Variants in ATP1A1 observed in about 807,000 individuals in gnomAD.
ATP1A1 encodes the protein sodium/potassium-transporting ATPase subunit alpha-1.
ATP1A1 carries 14 observed loss-of-function variants against 114.8 expected under a neutral mutation model. The observed-to-expected ratio is 0.12, with a 90% CI of 0.08 to 0.19. The LOEUF is 0.19. Ranked by LOEUF, ATP1A1 falls within the 10% of genes least tolerant of loss-of-function variation. ATP1A1 has a pLI of 1.00. For missense variants in ATP1A1, 524 were observed against 1,290.7 expected, an observed-to-expected ratio of 0.41 and a Z score of 9.10; for synonymous variants, 471 against 466.3, an observed-to-expected ratio of 1.01 and a Z score of -0.13.
Position 116,384,135 on chromosome 1 carries a change from G to A in ATP1A1, c.123+11G>A. 2 of 1,601,902 alleles carry A rather than the reference G, an allele frequency of 1.2e-6. No individual in the cohort carries two copies. The highest frequency in any genetic ancestry group is 8.6e-7 in the Non-Finnish European group (1 of 1,169,058). On this transcript the variant is annotated intron_variant, in intron 2 of 22. Coordinates refer to ENST00000295598, the MANE Select transcript of ATP1A1 (RefSeq NM_000701.8). The surrounding 1 kb of genome is among the most constrained non-coding windows in gnomAD (Gnocchi z 5.1). ...AAAGAAGTTTCTATGGTAAGTACTA[G>A]GAGGAATATTGTATTCCATCCTTAT... is the stretch of plus-strand genomic sequence containing the variant.
At position 116,398,172 on chromosome 1, in the gene ATP1A1, GA is replaced by G. The variant is rs1321855971; in HGVS notation, c.2124+136del. On this transcript the variant is annotated intron_variant, in intron 15 of 22. Coordinates refer to ENST00000295598, the MANE Select transcript of ATP1A1 (RefSeq NM_000701.8). The surrounding 1 kb of genome is among the most constrained non-coding windows in gnomAD (Gnocchi z 6.1). ...AGACTCAGTATAAATAGGCCAGTAG[GA>G]AGCTCATAGGCATAGAGAGGGTGAC... 3 of 1,258,146 alleles carry G rather than the reference GA, an allele frequency of 2.4e-6. No homozygotes were observed. The highest frequency in any genetic ancestry group is 3.2e-6 in the Non-Finnish European group (3 of 923,864). The allele number at this position is 1,258,146 out of a possible 1,614,324, so 77.9% of individuals were successfully genotyped here. A position where few individuals can be genotyped will look rare whatever the true frequency, so the allele number is the denominator to read the frequency against.
chr1:116,390,529 C>A, intron 9 of ATP1A1, 118 bp downstream of exon 9: 96 of 909,524 alleles, frequency 1.1e-4, no homozygotes, highest in Non-Finnish European at 1.4e-4. Context: ...CTTTTTCTTT[C>A]TTTTTTGTTT....
intron 3 of ATP1A1, chr1:116,386,276 A>C (rs1303658335): frequency 2.0e-5 from 3 of 152,082 alleles, no homozygotes; most frequent in Non-Finnish European, 4.4e-5. Flanking sequence ...ACTTTGTGCC[A>C]GGCAGTCTCT....
Position 116,382,889 on chromosome 1 carries a change from T to C in ATP1A1, c.13-1125T>C, listed in dbSNP as rs539622790. 2.0e-5 allele frequency among the ~76,000 whole-genome samples: 3 copies of C among 152,346 alleles called. No homozygotes were observed. The East Asian group carries it at 5.8e-4, about 29-fold the overall frequency. On this transcript the variant is annotated intron_variant, in intron 1 of 22. Transcript: ENST00000295598. ...ATAATAGTAATAGCACCATATGTCA[T>C]GCATTTTAAGAAAATTGCTAATGTC... is the stretch of plus-strand genomic sequence containing the variant.
rs377581743 is a variant in ATP1A1 at position 116,393,641 on chromosome 1, G to A, written c.1578G>A (p.Lys526=). 1.2e-4 allele frequency: 192 copies of A among 1,614,062 alleles called. No individual in the cohort carries two copies. The highest frequency in any genetic ancestry group is 1.6e-4 in the Middle Eastern group (1 of 6,078). The change falls in exon 12 of 23, where the codon AAG becomes AAA. Residue 526 remains lysine, a synonymous_variant. Coordinates refer to ENST00000295598, the MANE Select transcript of ATP1A1 (RefSeq NM_000701.8). The surrounding 1 kb of genome is among the most constrained non-coding windows in gnomAD (Gnocchi z 5.0). Reference sequence around the variant, plus strand: ...GCAGCTCTATCCTCCTCCACGGCAAGGAGCAGCCCCTGGATGAGGAGCTGA... The same window carrying A: ...GCAGCTCTATCCTCCTCCACGGCAAAGAGCAGCCCCTGGATGAGGAGCTGA... ...DRCSSILLHG[K]EQPLDEELKD...
chr1:116,388,598 T>C lies in ATP1A1; in HGVS notation c.502-40T>C, dbSNP rs773868107. 1.4e-5 allele frequency: 23 copies of C among 1,596,578 alleles called. No homozygotes were observed. The highest frequency in any genetic ancestry group is 1.8e-5 in the Admixed American group (1 of 57,136). On this transcript the variant is annotated intron_variant, in intron 5 of 22. Transcript: ENST00000295598. This position sits in a 1 kb window ranked among gnomAD's most constrained non-coding sequence, Gnocchi z 5.6. ...CTTGTTTTGGACACTACCTTCTCTTTGTTGGTATACTAACGGTGTAAATTG... is the reference window on the plus strand; with the variant it reads ...CTTGTTTTGGACACTACCTTCTCTTCGTTGGTATACTAACGGTGTAAATTG...
rs536076080 is a variant in ATP1A1, at chr1:116,373,265, G to A, written c.-247G>A. ...GGCTGGAGCTGCGGCGGGGTCTGGG[G>A]CGCAGAGCAGCGGCGGGAGGAGGCG... On this transcript the variant is annotated 5_prime_UTR_variant, in exon 1 of 23. Coordinates refer to ENST00000295598, the MANE Select transcript of ATP1A1 (RefSeq NM_000701.8). 7 of 386,794 alleles carry A rather than the reference G, an allele frequency of 1.8e-5. No individual in the cohort carries two copies. The highest frequency in any genetic ancestry group is 9.4e-5 in the Admixed American group (2 of 21,364). The allele number at this position is 386,794 out of a possible 1,614,324, so 24.0% of individuals were successfully genotyped here. A position where few individuals can be genotyped will look rare whatever the true frequency, so the allele number is the denominator to read the frequency against.
Position 116,384,682 on chromosome 1 carries a change from T to C in ATP1A1, c.124-101T>C, listed in dbSNP as rs953894699. On this transcript the variant is annotated intron_variant, in intron 2 of 22. Transcript: ENST00000295598. This position sits in a 1 kb window ranked among gnomAD's most constrained non-coding sequence, Gnocchi z 5.1. The stretch of plus-strand genomic sequence containing the variant: ...TGCACTGAAGAAAACATCTGCACTT[T>C]GTTTAATAAGCTTAATGATAGTAAT... The C allele has an allele frequency of 9.4e-7, 1 of 1,065,476 alleles. No individual in the cohort carries two copies. 66.0% of individuals were successfully genotyped at this position (1,065,476 alleles called of 1,614,324 possible).
intron 10 of ATP1A1, 160 bp from the exon 11 acceptor site, chr1:116,392,694 G>A (rs547196758): frequency 3.1e-5 from 25 of 817,032 alleles, no homozygotes; most frequent in Middle Eastern, 7.4e-4. Context: ...GTCGGGGCTA[G>A]AGGGACTCCT....
chr1:116,400,542 C>T (rs1175058167), intron 18 of ATP1A1, among the ~76,000 whole-genome samples: 1 of 152,094 alleles, frequency 6.6e-6, no homozygotes, highest in African/African-American at 2.4e-5. Flanking sequence ...GTGGATTTCC[C>T]CTAAAGGTCA....
rs1475927147 is a variant in ATP1A1 at position 116,389,614 on chromosome 1, T to A, written c.930T>A (p.Ser310=). The part of the protein sequence containing the change: ...VFLGVSFFIL[S]LILEYTWLEA... Reference sequence around the variant, plus strand: ...TGGGTGTGTCTTTCTTCATCCTTTCTCTCATCCTTGAGTACACCTGGCTTG... The same window carrying A: ...TGGGTGTGTCTTTCTTCATCCTTTCACTCATCCTTGAGTACACCTGGCTTG... Residue 310 remains serine (S), a synonymous_variant, in exon 8 of 23, where the codon TCT becomes TCA. Transcript: ENST00000295598. This position sits in a 1 kb window ranked among gnomAD's most constrained non-coding sequence, Gnocchi z 6.9. 2.5e-6 allele frequency: 4 copies of A among 1,614,042 alleles called. No homozygotes were observed. The highest frequency in any genetic ancestry group is 3.4e-6 in the Non-Finnish European group (4 of 1,180,038).
In ATP1A1 at chr1:116,395,323, G is replaced by GC; in HGVS notation, c.1836+40dup. 2 of 1,606,032 alleles carry GC rather than the reference G, an allele frequency of 1.2e-6. No individual in the cohort carries two copies. The highest frequency in any genetic ancestry group is 1.7e-6 in the Non-Finnish European group (2 of 1,176,096). The stretch of plus-strand genomic sequence containing the variant: ...CGCCTCCTTGGCTTCATCTCTTAGT[G>GC]CCTTGGGACACCCTACTCAGTGAAT... On this transcript the variant is annotated intron_variant, in intron 13 of 22. Transcript: ENST00000295598. This position sits in a 1 kb window ranked among gnomAD's most constrained non-coding sequence, Gnocchi z 6.4.
rs910902643 is a variant in ATP1A1, at chr1:116,393,125, T to C, written c.1467+137T>C. 3 of 1,235,010 alleles carry C rather than the reference T, an allele frequency of 2.4e-6. No homozygotes were observed. Among genetic ancestry groups the C allele is most frequent in the Non-Finnish European group, 3.3e-6 (3 of 900,684 alleles). The allele number at this position is 1,235,010 out of a possible 1,614,324, so 76.5% of individuals were successfully genotyped here. A position where few individuals can be genotyped will look rare whatever the true frequency, so the allele number is the denominator to read the frequency against. On this transcript the variant is annotated intron_variant, in intron 11 of 22. Transcript: ENST00000295598. This position sits in a 1 kb window ranked among gnomAD's most constrained non-coding sequence, Gnocchi z 5.0. ...CTTTAAATTTTGCCCTTGATTACCA[T>C]AGAATGCCATAATTTAGTTGAATAT... is the stretch of plus-strand genomic sequence containing the variant.
rs924210618 is a variant in ATP1A1, at chr1:116,395,584, G to A, written c.1836+299G>A. ...AATACTTGCATTATTCTAAGTTAAT[G>A]TACCTTATGCAATGAATGGCATATC... On this transcript the variant is annotated intron_variant, in intron 13 of 22. Transcript: ENST00000295598. This position sits in a 1 kb window ranked among gnomAD's most constrained non-coding sequence, Gnocchi z 6.4. 5.3e-5 allele frequency among the ~76,000 whole-genome samples: 8 copies of A among 152,176 alleles called. No homozygotes were observed. The highest frequency in any genetic ancestry group is 1.9e-4 in the African/African-American group (8 of 41,436).
intron 9 of ATP1A1, 118 bp downstream of exon 9, chr1:116,390,529 CT>C (rs1261190970): frequency 2.2e-6 from 2 of 909,756 alleles, no homozygotes; most frequent in Non-Finnish European, 1.5e-6. Flanking sequence ...CTTTTTCTTT[CT>C]TTTTTGTTTT....
chr1:116,387,397 G>T lies in ATP1A1; in HGVS notation c.293G>T (p.Gly98Val). The change falls in exon 4 of 23, where the codon GGG becomes GTG. Residue 98 changes from glycine (G) to valine (V), a missense_variant. Physicochemically the swap from Gly to Val is moderately radical, Grantham distance 109. Coordinates refer to ENST00000295598, the MANE Select transcript of ATP1A1 (RefSeq NM_000701.8). The surrounding 1 kb of genome is among the most constrained non-coding windows in gnomAD (Gnocchi z 6.7). ...ATCAAGTTTTGTCGGCAGCTCTTTG[G>T]GGGGTTCTCAATGTTACTGTGGATT... Reference protein sequence around the residue: ...EWIKFCRQLFGGFSMLLWIGA... With the variant: ...EWIKFCRQLFVGFSMLLWIGA... 1.9e-6 allele frequency: 3 copies of T among 1,614,206 alleles called. No individual in the cohort carries two copies. Among genetic ancestry groups the T allele is most frequent in the Non-Finnish European group, 2.5e-6 (3 of 1,180,040 alleles).
At position 116,401,087 on chromosome 1, in the gene ATP1A1, C is replaced by T; in HGVS notation, c.2719-43C>T. ...TGAGGCCACACTGCCACCAGCCATG[C>T]AGGTGAAGAGCCAGAGCTCATCTTC... is the stretch of plus-strand genomic sequence containing the variant. On this transcript the variant is annotated intron_variant, in intron 19 of 22. Transcript: ENST00000295598. This position sits in a 1 kb window ranked among gnomAD's most constrained non-coding sequence, Gnocchi z 4.7. 1 of 1,612,576 alleles carries T rather than the reference C, an allele frequency of 6.2e-7. No individual in the cohort carries two copies. Among genetic ancestry groups the T allele is most frequent in the Non-Finnish European group, 8.5e-7 (1 of 1,178,636 alleles).
intron 18 of ATP1A1, among the ~76,000 whole-genome samples, chr1:116,400,432 G>A (rs1653354330): frequency 6.6e-6 from 1 of 152,134 alleles, no homozygotes; most frequent in African/African-American, 2.4e-5. Context: ...GTGGGGAGGA[G>A]AGTCAGAAAG....
At chr1:116,396,527 C>T in intron 13 of ATP1A1, 71 bp from the exon 14 acceptor site, 1 of 1,552,666 alleles carries the variant, frequency 6.4e-7, no homozygotes, top group Non-Finnish European at 8.8e-7. Flanking sequence ...TTTACTCTTG[C>T]CTACTGGATA....
Sources: gnomAD v4.1 joint callset for allele counts (sites outside exome capture counted in the v4.1 genomes callset) on GRCh38, gnomAD v4.1.1 for gene constraint, Gnocchi (gnomAD v3.1) non-coding constraint, MANE v1.5 for transcripts, NCBI Gene and HGNC (gene_info 2026-07-23, HGNC 2026-07-21) for gene names.